Variants in SMURF1 observed in about 807,000 individuals in gnomAD.
The protein encoded by SMURF1 is SMAD specific E3 ubiquitin protein ligase 1.
Under a neutral mutation model 98.0 loss-of-function variants are expected in SMURF1, and 44 were observed. The observed-to-expected ratio is 0.45, with a 90% CI of 0.35 to 0.58. SMURF1 has a LOEUF of 0.58. Among genes scored for constraint, SMURF1 ranks in the 20% least tolerant of loss-of-function variants. The probability of loss-of-function intolerance (pLI) is 0.00; values close to 1 mark genes in which losing one functional copy is unlikely to be tolerated. For missense variants in SMURF1, 687 were observed against 938.4 expected, an observed-to-expected ratio of 0.73 and a Z score of 3.50; for synonymous variants, 396 against 374.9, an observed-to-expected ratio of 1.06 and a Z score of -0.65.
chr7:99,079,398 C>T (rs1796535164), intron 1 of SMURF1, among the ~76,000 whole-genome samples: 1 of 152,198 alleles, frequency 6.6e-6, no homozygotes, highest in Non-Finnish European at 1.5e-5. Flanking sequence ...CAGCTCCTCC[C>T]CACAGCTCGA....
chr7:99,135,057 TTATAAA>T (rs1424282756), intron 1 of SMURF1, among the ~76,000 whole-genome samples: 4 of 152,210 alleles, frequency 2.6e-5, no homozygotes, highest in Admixed American at 2.6e-4. Flanking sequence ...GAGGAAGTCC[TTATAAA>T]TATGAGTATG....
At chr7:99,063,799 C>G (rs1172311279) in intron 1 of SMURF1, among the ~76,000 whole-genome samples, 4 of 141,878 alleles carry the variant, frequency 2.8e-5, no homozygotes, top group Non-Finnish European at 6.1e-5. Context: ...TTTTCAGAGA[C>G]AGGGTCTTGC....
chr7:99,085,457 G>A (rs1055356571), intron 1 of SMURF1, among the ~76,000 whole-genome samples: 1 of 151,882 alleles, frequency 6.6e-6, no homozygotes. Flanking sequence ...GTGGAACCAT[G>A]AGCCAATTAA....
chr7:99,138,526 G>C (rs1010235602), intron 1 of SMURF1, among the ~76,000 whole-genome samples: 1 of 152,086 alleles, frequency 6.6e-6, no homozygotes, highest in Non-Finnish European at 1.5e-5. Context: ...AAATGAAAAT[G>C]TGTGGAAGAG....
At chr7:99,098,222 T>G (rs1796997148) in intron 1 of SMURF1, among the ~76,000 whole-genome samples, 1 of 152,220 alleles carries the variant, frequency 6.6e-6, no homozygotes, top group Non-Finnish European at 1.5e-5. Flanking sequence ...ACATTTTAAA[T>G]CTAACAGATA....
chr7:99,100,108 TAAAAAA>T (rs10559622), intron 1 of SMURF1, among the ~76,000 whole-genome samples: 1 of 141,680 alleles, frequency 7.1e-6, no homozygotes, highest in African/African-American at 2.6e-5. Context: ...TGGGAAAAGT[TAAAAAA>T]AAAAAAAAAA....
At chr7:99,132,773 C>A (rs1198568342) in intron 1 of SMURF1, among the ~76,000 whole-genome samples, 1 of 151,684 alleles carries the variant, frequency 6.6e-6, no homozygotes, top group Non-Finnish European at 1.5e-5. Flanking sequence ...AAACTCGCCA[C>A]ATTTGAGGAC....
intron 16 of SMURF1, 98 bp from the exon 17 acceptor site, chr7:99,033,219 A>C: frequency 8.5e-7 from 1 of 1,174,924 alleles, no homozygotes. Flanking sequence ...CCACATTCCC[A>C]CCCCCACACC....
intron 11 of SMURF1, among the ~76,000 whole-genome samples, chr7:99,044,235 C>T (rs899011809): frequency 1.6e-4 from 25 of 152,046 alleles, no homozygotes; most frequent in Non-Finnish European, 2.9e-4. Flanking sequence ...TCACTTGAAC[C>T]TGGGAGGTGG....
At chr7:99,044,590 T>A (rs1182213206) in intron 11 of SMURF1, among the ~76,000 whole-genome samples, 1 of 152,196 alleles carries the variant, frequency 6.6e-6, no homozygotes, top group African/African-American at 2.4e-5. Context: ...AAGAGAAAGT[T>A]GTAAGTATGA....
rs1219942587 is a variant in SMURF1, at chr7:99,057,186, C to T, written c.403+19G>A. 2.5e-6 allele frequency: 4 copies of T among 1,613,388 alleles called. No individual in the cohort carries two copies. The highest frequency in any genetic ancestry group is 2.2e-5 in the East Asian group (1 of 44,894). On this transcript the variant is annotated intron_variant, in intron 5 of 17. Coordinates refer to ENST00000361368, the MANE Select transcript of SMURF1 (RefSeq NM_181349.3). Reference sequence around the variant, plus strand: ...AGTTCTGGAAAAGCATCTCTTTACACAGACAAGAAAGTTCTTACCCACTAT... The same window carrying T: ...AGTTCTGGAAAAGCATCTCTTTACATAGACAAGAAAGTTCTTACCCACTAT...
At chr7:99,132,312 G>A (rs2150643016) in intron 1 of SMURF1, among the ~76,000 whole-genome samples, 1 of 152,282 alleles carries the variant, frequency 6.6e-6, no homozygotes, top group Non-Finnish European at 1.5e-5. Context: ...AATAAACAAG[G>A]AGGGCATTAA....
At chr7:99,121,976 T>C (rs908463574) in intron 1 of SMURF1, among the ~76,000 whole-genome samples, 2 of 152,162 alleles carry the variant, frequency 1.3e-5, no homozygotes, top group African/African-American at 4.8e-5. Flanking sequence ...CTGCTTGATA[T>C]AGTCAGCAAC....
rs1440963797 is a variant in SMURF1, at chr7:99,037,145, C to T, written c.1731G>A (p.Gln577=). 2.5e-6 allele frequency: 4 copies of T among 1,614,082 alleles called. No homozygotes were observed. Among genetic ancestry groups the T allele is most frequent in the East Asian group, 2.2e-5 (1 of 44,892 alleles). Residue 577 remains glutamine, a synonymous_variant, in exon 15 of 18, where the codon CAG becomes CAA. Coordinates refer to ENST00000361368, the MANE Select transcript of SMURF1 (RefSeq NM_181349.3). Reference sequence around the variant, plus strand: ...TGAACCCCTTCTGCAGAGCTAAGAACTGGGCTTCGATTCCTCTCATAAACC... The same window carrying T: ...TGAACCCCTTCTGCAGAGCTAAGAATTGGGCTTCGATTCCTCTCATAAACC... ...NWRFMRGIEA[Q]FLALQKGFNE... is the part of the protein sequence containing the mutation.
At chr7:99,092,821 A>ATATTAAT (rs1796845070) in intron 1 of SMURF1, among the ~76,000 whole-genome samples, 1 of 152,232 alleles carries the variant, frequency 6.6e-6, no homozygotes, top group Admixed American at 6.5e-5. Flanking sequence ...AAACAAGGTT[A>ATATTAAT]CATATTAATC....
At chr7:99,038,665 G>T in intron 13 of SMURF1, 140 bp from the exon 14 acceptor site, 1 of 904,268 alleles carries the variant, frequency 1.1e-6, no homozygotes, top group Non-Finnish European at 1.6e-6. Flanking sequence ...CCTGCGTGGG[G>T]GTGGCACAGC....
intron 1 of SMURF1, among the ~76,000 whole-genome samples, chr7:99,118,498 T>C (rs181789983): frequency 9.8e-4 from 150 of 152,334 alleles, no homozygotes; most frequent in Non-Finnish European, 1.6e-3. Context: ...TACGACAGGA[T>C]TGAACCTTGA....
intron 1 of SMURF1, among the ~76,000 whole-genome samples, chr7:99,140,542 C>T (rs998675225): frequency 3.3e-5 from 5 of 151,986 alleles, no homozygotes; most frequent in Non-Finnish European, 7.4e-5. Context: ...CCACCTCAGC[C>T]TCCCAAAGTG....
chr7:99,143,201 G>A (rs1292124873), intron 1 of SMURF1, among the ~76,000 whole-genome samples: 1 of 138,552 alleles, frequency 7.2e-6, no homozygotes, highest in Non-Finnish European at 1.6e-5. Flanking sequence ...GGTCAGGTTT[G>A]GGGAGGAAAG....
Sources: allele counts gnomAD v4.1 joint callset (sites outside exome capture counted in the v4.1 genomes callset), GRCh38; gene constraint gnomAD v4.1.1; transcripts MANE v1.5; gene names NCBI Gene and HGNC (gene_info 2026-07-23, HGNC 2026-07-21).